FOXO3: variants seen among roughly 807,000 people sequenced by gnomAD.
FOXO3 encodes forkhead box O3.
FOXO3 carries 4 observed loss-of-function variants against 41.9 expected under a neutral mutation model. The ratio of observed to expected loss-of-function variants is 0.10; its 90% CI spans 0.05 to 0.22. FOXO3 has a LOEUF of 0.22. Ranked by LOEUF, FOXO3 falls within the 10% of genes least tolerant of loss-of-function variation. The pLI, the probability that FOXO3 is intolerant of heterozygous loss-of-function variation, is 1.00. For synonymous variants in FOXO3, 318 were observed against 389.3 expected (o/e 0.82, Z 2.16); for missense variants, 534 against 906.8 (o/e 0.59, Z 5.28).
At chr6:108,637,091 A>T (rs1485561157) in intron 1 of FOXO3, among the ~76,000 whole-genome samples, 1 of 152,190 alleles carries the variant, frequency 6.6e-6, no homozygotes, top group Non-Finnish European at 1.5e-5. Context: ...TTACAACTTT[A>T]TATCTTCCCT....
At chr6:108,609,063 A>C (rs1777285555) in intron 1 of FOXO3, among the ~76,000 whole-genome samples, 1 of 152,184 alleles carries the variant, frequency 6.6e-6, no homozygotes, top group African/African-American at 2.4e-5. Context: ...CCTTAATCCA[A>C]ATGAACAGTT....
intron 1 of FOXO3, among the ~76,000 whole-genome samples, chr6:108,617,035 G>A (rs956269421): frequency 6.6e-6 from 1 of 152,082 alleles, no homozygotes; most frequent in East Asian, 1.9e-4. Flanking sequence ...TCAGTTGCTG[G>A]GCATTTGAAT....
In FOXO3 at chr6:108,664,111, A is replaced by G. The variant is rs1160960737; in HGVS notation, c.1278A>G (p.Pro426=). 1 of 1,614,104 alleles carries G rather than the reference A, an allele frequency of 6.2e-7. No individual in the cohort carries two copies. The highest frequency in any genetic ancestry group is 2.2e-5 in the East Asian group (1 of 44,864). Residue 426 remains proline (P), a synonymous_variant, in exon 2 of 3, where the codon CCA becomes CCG. Coordinates refer to ENST00000406360, the MANE Select transcript of FOXO3 (RefSeq NM_001455.4). ...CCAAGGGCTCGGGCCTGGGCTCCCC[A>G]ACCAGCTCCTTTAACAGCACGGTGT... ...YTTKGSGLGS[P]TSSFNSTVFG... is the part of the protein sequence containing the mutation.
intron 1 of FOXO3, among the ~76,000 whole-genome samples, chr6:108,619,766 A>G (rs1192999120): frequency 2.0e-5 from 3 of 152,252 alleles, no homozygotes; most frequent in Non-Finnish European, 4.4e-5. Context: ...CCTGATTAAG[A>G]ATAAAGACCA....
At chr6:108,569,293 T>G (rs1776025931) in intron 1 of FOXO3, among the ~76,000 whole-genome samples, 1 of 152,244 alleles carries the variant, frequency 6.6e-6, no homozygotes, top group African/African-American at 2.4e-5. Context: ...AACACCCCAG[T>G]TCTGACTGCA....
chr6:108,662,456 A>G (rs183030381), intron 1 of FOXO3, among the ~76,000 whole-genome samples: 126 of 152,322 alleles, frequency 8.3e-4, no homozygotes, highest in South Asian at 2.3e-3. Context: ...GCAAGTGTCT[A>G]TATAAATTAT....
intron 1 of FOXO3, among the ~76,000 whole-genome samples, chr6:108,571,456 G>A (rs569374840): frequency 3.5e-4 from 53 of 152,142 alleles, no homozygotes; most frequent in Non-Finnish European, 6.2e-4. Flanking sequence ...TGGGAAATAG[G>A]ATCTTTCCTG....
intron 1 of FOXO3, among the ~76,000 whole-genome samples, chr6:108,627,046 A>G (rs1405952675): frequency 6.6e-6 from 1 of 152,234 alleles, no homozygotes; most frequent in East Asian, 1.9e-4. Context: ...CCTAACTGTC[A>G]TGGACACCAG....
chr6:108,625,815 T>C (rs905813609), intron 1 of FOXO3, among the ~76,000 whole-genome samples: 15 of 152,252 alleles, frequency 9.9e-5, no homozygotes, highest in African/African-American at 3.6e-4. Context: ...ATCACTACCA[T>C]GTCCTGGGTT....
chr6:108,631,800 C>G (rs1777983889), intron 1 of FOXO3, among the ~76,000 whole-genome samples: 1 of 152,088 alleles, frequency 6.6e-6, no homozygotes, highest in Non-Finnish European at 1.5e-5. Context: ...AAAAATTTCT[C>G]CCTTGTACAA....
At chr6:108,650,102 A>G (rs1778506906) in intron 1 of FOXO3, among the ~76,000 whole-genome samples, 1 of 152,176 alleles carries the variant, frequency 6.6e-6, no homozygotes, top group African/African-American at 2.4e-5. Flanking sequence ...AGTTCCAGAA[A>G]GTTTGGGGAG....
At chr6:108,663,154 C>G (rs1029802538) in intron 1 of FOXO3, among the ~76,000 whole-genome samples, 1 of 152,134 alleles carries the variant, frequency 6.6e-6, no homozygotes, top group Non-Finnish European at 1.5e-5. Context: ...GGGAGGATCT[C>G]TTGAGTCCAG....
chr6:108,564,920 C>T (rs576559642), intron 1 of FOXO3, among the ~76,000 whole-genome samples: 3 of 152,182 alleles, frequency 2.0e-5, no homozygotes, highest in African/African-American at 7.2e-5. Context: ...TTCTTAAGAT[C>T]ACACAGCTAG....
chr6:108,627,332 A>G (rs1445857446), intron 1 of FOXO3, among the ~76,000 whole-genome samples: 1 of 152,062 alleles, frequency 6.6e-6, no homozygotes, highest in Non-Finnish European at 1.5e-5. Flanking sequence ...ATCACACGAG[A>G]CTCATTTATT....
intron 1 of FOXO3, chr6:108,639,710 A>G (rs1778204200): frequency 3.8e-6 from 1 of 260,700 alleles, no homozygotes; most frequent in South Asian, 1.5e-4. Context: ...TTCCTTTTCT[A>G]TTTAATTTCA....
intron 1 of FOXO3, among the ~76,000 whole-genome samples, chr6:108,652,714 GCA>G (rs1247027479): frequency 1.3e-5 from 2 of 152,224 alleles, no homozygotes; most frequent in African/African-American, 2.4e-5. Flanking sequence ...GCCCTGGTAG[GCA>G]CCACATACAT....
intron 1 of FOXO3, among the ~76,000 whole-genome samples, chr6:108,593,611 C>T (rs1265638215): frequency 6.6e-6 from 1 of 151,618 alleles, no homozygotes; most frequent in African/African-American, 2.4e-5. Context: ...CTCCTGGCCT[C>T]AAGTGATCCT....
intron 1 of FOXO3, among the ~76,000 whole-genome samples, chr6:108,644,085 A>G (rs1052395329): frequency 6.6e-6 from 1 of 152,180 alleles, no homozygotes; most frequent in African/African-American, 2.4e-5. Flanking sequence ...GGACAATGCC[A>G]GTGCCTGGCT....
intron 1 of FOXO3, among the ~76,000 whole-genome samples, chr6:108,586,969 T>C: frequency 6.8e-6 from 1 of 147,372 alleles, no homozygotes; most frequent in Middle Eastern, 3.6e-3. Flanking sequence ...ATTATTATTA[T>C]TATTATTATT....
Sources: gnomAD v4.1 joint callset for allele counts (sites outside exome capture counted in the v4.1 genomes callset) on GRCh38, gnomAD v4.1.1 for gene constraint, MANE v1.5 for transcripts, NCBI Gene and HGNC (gene_info 2026-07-23, HGNC 2026-07-21) for gene names.